Variants in ZNF184 observed in about 807,000 individuals in gnomAD.
ZNF184 encodes the protein zinc finger protein 184.
ZNF184 carries 16 observed loss-of-function variants against 54.4 expected under a neutral mutation model. The observed-to-expected ratio is 0.29, with a 90% CI of 0.20 to 0.45. The LOEUF (loss-of-function observed/expected upper bound fraction) is 0.45, where lower values mean the gene tolerates loss of function less well. ZNF184 is among the 20% of genes least tolerant of loss of function. ZNF184 has a pLI of 1.00. For synonymous variants in ZNF184, 254 were observed against 295.3 expected, an observed-to-expected ratio of 0.86 and a Z score of 1.43; for missense variants, 681 against 888.2, an observed-to-expected ratio of 0.77 and a Z score of 2.97.
the ZNF184 span, chr6:27,408,099 C>A: frequency 2.7e-6 from 2 of 730,250 alleles, no homozygotes; most frequent in African/African-American, 1.7e-5. Context: ...ACTGCTGCAG[C>A]ATTTTGGTAA....
chr6:27,447,367 T>C (rs1406045341), downstream of ZNF184, among the ~76,000 whole-genome samples: 5 of 152,114 alleles, frequency 3.3e-5, no homozygotes, highest in Admixed American at 2.0e-4. Context: ...CCAAAATTCA[T>C]GTTGAAATTT....
the ZNF184 span, chr6:27,405,840 A>G: frequency 6.6e-6 from 1 of 152,240 alleles, no homozygotes; most frequent in Non-Finnish European, 1.5e-5. Flanking sequence ...CATAGCTGGG[A>G]CTAAAAGCTG....
At chr6:27,466,307 C>G (rs1472467598) in intron 3 of ZNF184, among the ~76,000 whole-genome samples, 1 of 152,170 alleles carries the variant, frequency 6.6e-6, no homozygotes, top group African/African-American at 2.4e-5. Context: ...TCCTGACAAC[C>G]TATTTTGGAC....
chr6:27,436,305 A>G, the ZNF184 span, among the ~76,000 whole-genome samples: 2 of 152,078 alleles, frequency 1.3e-5, no homozygotes, highest in African/African-American at 4.8e-5. Context: ...CTGGGACTAC[A>G]GGCACACGCC....
intron 3 of ZNF184, among the ~76,000 whole-genome samples, chr6:27,463,229 A>G (rs1051061438): frequency 6.6e-6 from 1 of 151,280 alleles, no homozygotes; most frequent in Admixed American, 6.6e-5. Context: ...TACATATGTA[A>G]CAAACCTGCA....
downstream of ZNF184, among the ~76,000 whole-genome samples, chr6:27,447,933 T>C (rs1762656845): frequency 6.6e-6 from 1 of 152,186 alleles, no homozygotes; most frequent in Non-Finnish European, 1.5e-5. Flanking sequence ...TTGGAATTAA[T>C]ACTCAGGATA....
the ZNF184 span, among the ~76,000 whole-genome samples, chr6:27,410,355 T>G: frequency 9.2e-3 from 1,406 of 152,286 alleles, 16 homozygotes; most frequent in African/African-American, 0.026. Context: ...GAAAGGGAAC[T>G]GTGTAAGGAA....
chr6:27,453,966 G>T lies in ZNF184; in HGVS notation c.299-706C>A, dbSNP rs577940750. Among the ~76,000 whole-genome samples the T allele has an allele frequency of 6.6e-6, 1 of 152,142 alleles. No individual in the cohort carries two copies. The highest frequency in any genetic ancestry group is 1.5e-5 in the Non-Finnish European group (1 of 68,022). On this transcript the variant is annotated intron_variant, in intron 5 of 5. Transcript: ENST00000683788. The surrounding 1 kb of genome is among the most constrained non-coding windows in gnomAD (Gnocchi z 4.7). Reference sequence around the variant, plus strand: ...TAGCTAAAGCCTTAGAAATATATGTGAAAAAGAGCAGAGGCAGAGGGAAGA... The same window carrying T: ...TAGCTAAAGCCTTAGAAATATATGTTAAAAAGAGCAGAGGCAGAGGGAAGA...
In ZNF184 at chr6:27,454,487, T is replaced by A. The variant is rs1252789577; in HGVS notation, c.299-1227A>T. Among the ~76,000 whole-genome samples the A allele has an allele frequency of 3.3e-5, 5 of 152,158 alleles. No individual in the cohort carries two copies. The East Asian group carries it at 9.6e-4, about 29-fold the overall frequency. On this transcript the variant is annotated intron_variant, in intron 5 of 5. Transcript: ENST00000683788. Reference sequence around the variant, plus strand: ...ATAAATATGTTTTCATCAACAGAAATGACACCAAGGAAGGTATGTTTGCAA... The same window carrying A: ...ATAAATATGTTTTCATCAACAGAAAAGACACCAAGGAAGGTATGTTTGCAA...
At chr6:27,418,061 C>G in the ZNF184 span, among the ~76,000 whole-genome samples, 3 of 152,154 alleles carry the variant, frequency 2.0e-5, no homozygotes, top group Non-Finnish European at 4.4e-5. Context: ...CTCACAATAG[C>G]AAACCTCACA....
the ZNF184 span, among the ~76,000 whole-genome samples, chr6:27,428,016 T>C: frequency 6.6e-6 from 1 of 152,230 alleles, no homozygotes; most frequent in Admixed American, 6.5e-5. This position sits in a 1 kb window ranked among gnomAD's most constrained non-coding sequence, Gnocchi z 4.1. Flanking sequence ...ATAGATTCTA[T>C]CTCTGAAATA....
chr6:27,425,869 C>T, the ZNF184 span, among the ~76,000 whole-genome samples: 1 of 152,222 alleles, frequency 6.6e-6, no homozygotes. Context: ...TATCTTCGGG[C>T]TGTCTCCCAG....
chr6:27,464,276 T>C (rs1440024317), intron 3 of ZNF184, among the ~76,000 whole-genome samples: 2 of 152,214 alleles, frequency 1.3e-5, no homozygotes, highest in Non-Finnish European at 2.9e-5. Context: ...TCAAAGATAA[T>C]TGGCTGCTTA....
At chr6:27,447,589 C>T (rs1043451399), downstream of ZNF184, among the ~76,000 whole-genome samples, 4 of 151,544 alleles carry the variant, frequency 2.6e-5, no homozygotes, top group East Asian at 1.9e-4. Flanking sequence ...GGCAGGCGCC[C>T]GTAATCCCAG....
chr6:27,450,127 AT>A (rs917198862), downstream of ZNF184, among the ~76,000 whole-genome samples: 1 of 152,200 alleles, frequency 6.6e-6, no homozygotes, highest in African/African-American at 2.4e-5. Context: ...AACTTCTGTA[AT>A]CTCACTGACT....
At chr6:27,445,176 T>C in the ZNF184 span, among the ~76,000 whole-genome samples, 1 of 152,244 alleles carries the variant, frequency 6.6e-6, no homozygotes, top group East Asian at 1.9e-4. Context: ...GCATTATTCA[T>C]AATTGCCTCC....
chr6:27,456,957 T>G, intron 4 of ZNF184, 36 bp from the exon 5 acceptor site: 1 of 1,555,640 alleles, frequency 6.4e-7, no homozygotes, highest in Non-Finnish European at 8.8e-7. Flanking sequence ...AAACCTGCAG[T>G]AAGGGGAAAG....
At chr6:27,411,487 C>T in the ZNF184 span, among the ~76,000 whole-genome samples, 2 of 152,168 alleles carry the variant, frequency 1.3e-5, no homozygotes, top group Admixed American at 1.3e-4. Flanking sequence ...TTAGGGTGTG[C>T]AGAGGGGGAT....
At chr6:27,456,399 G>C (rs1264031344) in intron 5 of ZNF184, among the ~76,000 whole-genome samples, 1 of 152,152 alleles carries the variant, frequency 6.6e-6, no homozygotes, top group Non-Finnish European at 1.5e-5. Context: ...TGGCCATAAA[G>C]ATTCATATTG....
Sources: allele counts gnomAD v4.1 joint callset (sites outside exome capture counted in the v4.1 genomes callset), GRCh38; gene constraint gnomAD v4.1.1; non-coding constraint Gnocchi (gnomAD v3.1); transcripts MANE v1.5; gene names NCBI Gene and HGNC (gene_info 2026-07-23, HGNC 2026-07-21).